SSUH2: variants seen among roughly 807,000 people sequenced by gnomAD.
The protein encoded by SSUH2 is ssu-2 homolog, also known as protein SSUH2 homolog.
SSUH2 carries 47 observed loss-of-function variants against 55.3 expected under a neutral mutation model. The ratio of observed to expected loss-of-function variants is 0.85; its 90% CI spans 0.67 to 1.08. The LOEUF is 1.08. Ranked by LOEUF, SSUH2 falls within the 50% of genes least tolerant of loss-of-function variation. SSUH2 has a pLI of 0.00. For synonymous variants in SSUH2, 212 were observed against 191.5 expected (o/e 1.11, Z -0.89); for missense variants, 535 against 490.7 (o/e 1.09, Z -0.85).
chr3:8,677,574 C>T (rs1705509369), intron 2 of SSUH2, among the ~76,000 whole-genome samples: 1 of 151,034 alleles, frequency 6.6e-6, no homozygotes, highest in South Asian at 2.1e-4. Context: ...TCTGACACAG[C>T]CTTTTCCATT....
chr3:8,648,652 T>C (rs164962), upstream of SSUH2, among the ~76,000 whole-genome samples: 18,281 of 152,200 alleles, frequency 0.12, 1,429 homozygotes, highest in South Asian at 0.18. Flanking sequence ...GCTGCTGCCC[T>C]GGGCTTCCCT....
At chr3:8,671,049 CA>C in exon 5 of SSUH2, 2 of 397,472 alleles carry the variant, frequency 5.0e-6, no homozygotes, top group South Asian at 1.8e-5. Context: ...CGAATAATAT[CA>C]AAGGGTGCAC....
chr3:8,668,856 T>C lies in SSUH2; in HGVS notation c.-455+2142A>G, dbSNP rs1462837295. Among the ~76,000 whole-genome samples, 8 of 150,704 alleles carry C rather than the reference T, an allele frequency of 5.3e-5. No homozygotes were observed. The East Asian group carries it at 1.6e-3, about 30-fold the overall frequency. The stretch of plus-strand genomic sequence containing the variant: ...GTTCCACATGTTATTCATGTTATTT[T>C]CACAACCTAGGTAGATTCCTGATTC... On this transcript the variant is annotated intron_variant, in intron 5 of 18. Coordinates refer to the SSUH2 transcript ENST00000317371.
intron 3 of SSUH2, among the ~76,000 whole-genome samples, chr3:8,674,166 C>T (rs1704951448): frequency 6.6e-6 from 1 of 152,132 alleles, no homozygotes; most frequent in African/African-American, 2.4e-5. Flanking sequence ...TGGCGAAATG[C>T]TGACCTGTTT....
chr3:8,656,779 C>T (rs1022242319), intron 7 of SSUH2, among the ~76,000 whole-genome samples: 11 of 152,120 alleles, frequency 7.2e-5, no homozygotes, highest in African/African-American at 2.7e-4. Flanking sequence ...GTGGTGGAGC[C>T]GGGATTTGAA....
chr3:8,629,633 C>CTGACCCACCAGTGGTTCACAGA, intron 7 of SSUH2, 31 bp downstream of exon 7: 3 of 1,587,724 alleles, frequency 1.9e-6, no homozygotes, highest in Non-Finnish European at 2.6e-6. Flanking sequence ...CACACCCTCA[C>CTGACCCACCAGTGGTTCACAGA]TGACTCACCA....
chr3:8,634,705 G>T, intron 3 of SSUH2: 1 of 632,438 alleles, frequency 1.6e-6, no homozygotes, highest in South Asian at 1.5e-5. Context: ...CAGCAGCAGG[G>T]CCAGAAGCCC....
intron 5 of SSUH2, among the ~76,000 whole-genome samples, chr3:8,667,675 T>C (rs920704714): frequency 1.3e-5 from 2 of 152,242 alleles, no homozygotes; most frequent in African/African-American, 4.8e-5. Context: ...GATTAAGCCA[T>C]TGGCCACTGG....
Position 8,633,716 on chromosome 3 carries a change from C to T in SSUH2, c.289G>A (p.Val97Met), listed in dbSNP as rs1699354440. 2 of 1,556,346 alleles carry T rather than the reference C, an allele frequency of 1.3e-6. No homozygotes were observed. Among genetic ancestry groups the T allele is most frequent in the Admixed American group, 1.9e-5 (1 of 51,946 alleles). ...TCCTGGATGACGAGGTCTCCAGCCA[C>T]CGTGCTGCTGTAGCAGCACTTAGAG... ...VDSKCCYSST[V>M]AGDLVIQELK... The change falls in exon 4 of 12, where the codon GTG becomes ATG. Residue 97 changes from valine (V) to methionine (M), a missense_variant. Val to Met is a conservative substitution (Grantham distance 21). Coordinates refer to ENST00000544814, the MANE Select transcript of SSUH2 (RefSeq NM_001256748.3).
chr3:8,679,813 T>TC (rs1705834962), exon 2 of SSUH2: 2 of 153,038 alleles, frequency 1.3e-5, no homozygotes, highest in African/African-American at 4.8e-5. Context: ...CAGCCCAGGA[T>TC]CAGAAAGAAA....
intron 5 of SSUH2, chr3:8,663,853 G>C (rs372638100): frequency 4.4e-6 from 2 of 456,720 alleles, no homozygotes. Flanking sequence ...GTAATGATGC[G>C]TGTCCCAAGA....
At chr3:8,676,579 A>T (rs774459837) in intron 3 of SSUH2, among the ~76,000 whole-genome samples, 1 of 150,942 alleles carries the variant, frequency 6.6e-6, no homozygotes, top group Non-Finnish European at 1.5e-5. Context: ...CGGCCTCTGA[A>T]TATTAGGAAG....
At chr3:8,675,109 G>A (rs766294901) in intron 3 of SSUH2, among the ~76,000 whole-genome samples, 1 of 152,134 alleles carries the variant, frequency 6.6e-6, no homozygotes, top group Non-Finnish European at 1.5e-5. Flanking sequence ...GCTTAATCAA[G>A]CTACACTGAC....
At chr3:8,676,479 A>AT (rs968116440) in intron 3 of SSUH2, among the ~76,000 whole-genome samples, 3 of 150,754 alleles carry the variant, frequency 2.0e-5, no homozygotes, top group African/African-American at 7.3e-5. Flanking sequence ...ACATGTAGTC[A>AT]TATCACCCCC....
chr3:8,676,999 C>G lies in SSUH2; in HGVS notation c.-753+207G>C, dbSNP rs71312402. On this transcript the variant is annotated intron_variant, in intron 3 of 18. Coordinates refer to the SSUH2 transcript ENST00000317371. Reference sequence around the variant, plus strand: ...ACTGAGAGCCAGTACCTCTTCCCCCCCTGGCTCTTGAGACCTCCATCGCGG... The same window carrying G: ...ACTGAGAGCCAGTACCTCTTCCCCCGCTGGCTCTTGAGACCTCCATCGCGG... Among the ~76,000 whole-genome samples the G allele has an allele frequency of 7.3e-4, 108 of 147,936 alleles. 3 individuals carry two copies. Among genetic ancestry groups the G allele is most frequent in the Non-Finnish European group, 1.3e-3 (89 of 66,780 alleles).
intron 11 of SSUH2, among the ~76,000 whole-genome samples, chr3:8,622,491 T>C (rs1365121352): frequency 6.6e-6 from 1 of 152,176 alleles, no homozygotes; most frequent in African/African-American, 2.4e-5. Flanking sequence ...TCTAAAAATC[T>C]GGACTTCAGA....
intron 1 of SSUH2, among the ~76,000 whole-genome samples, chr3:8,643,995 G>A (rs577624917): frequency 7.2e-5 from 10 of 138,716 alleles, no homozygotes; most frequent in East Asian, 5.9e-4. Flanking sequence ...CCCACTCCCC[G>A]CCACCGGCAA....
intron 11 of SSUH2, among the ~76,000 whole-genome samples, chr3:8,621,500 AGAG>A (rs1465985650): frequency 6.6e-6 from 1 of 152,156 alleles, no homozygotes; most frequent in African/African-American, 2.4e-5. Flanking sequence ...CTGTTCTGTC[AGAG>A]GAGAGGCCAG....
upstream of SSUH2, among the ~76,000 whole-genome samples, chr3:8,647,388 G>A (rs531815079): frequency 2.3e-3 from 348 of 152,314 alleles, 2 homozygotes; most frequent in African/African-American, 8.1e-3. Flanking sequence ...GAATATTAAC[G>A]CAGAAGCTTG....
Sources: allele counts gnomAD v4.1 joint callset (sites outside exome capture counted in the v4.1 genomes callset), GRCh38; gene constraint gnomAD v4.1.1; transcripts MANE v1.5; gene names NCBI Gene and HGNC (gene_info 2026-07-23, HGNC 2026-07-21).